The following SGCZ variants were observed in gnomAD, a reference collection of about 807,000 sequenced individuals.
The protein encoded by SGCZ is zeta-sarcoglycan.
A neutral mutation model predicts 41.3 loss-of-function variants in SGCZ; 40 were observed. The ratio of observed to expected loss-of-function variants is 0.97; its 90% CI spans 0.75 to 1.26. The LOEUF (loss-of-function observed/expected upper bound fraction) is 1.26, where lower values mean the gene tolerates loss of function less well. Among genes scored for constraint, SGCZ ranks in the 50% most tolerant of loss-of-function variants. The pLI, the probability that SGCZ is intolerant of heterozygous loss-of-function variation, is 0.00. For synonymous variants in SGCZ, 206 were observed against 137.5 expected, an observed-to-expected ratio of 1.50 and a Z score of -3.49; for missense variants, 552 against 369.8, an observed-to-expected ratio of 1.49 and a Z score of -4.04.
At chr8:14,340,438 C>T (rs549681303) in intron 2 of SGCZ, among the ~76,000 whole-genome samples, 10 of 152,206 alleles carry the variant, frequency 6.6e-5, no homozygotes, top group African/African-American at 1.4e-4. Flanking sequence ...CTTTTATTCA[C>T]GTATTTATTG....
chr8:14,719,399 T>A (rs1264500034), intron 1 of SGCZ, among the ~76,000 whole-genome samples: 10 of 150,512 alleles, frequency 6.6e-5, no homozygotes, highest in Admixed American at 6.6e-4. Context: ...AAATGGTATT[T>A]CTAGTTCTAG....
At chr8:14,422,077 G>A (rs986263630) in intron 2 of SGCZ, among the ~76,000 whole-genome samples, 2 of 151,990 alleles carry the variant, frequency 1.3e-5, no homozygotes, top group African/African-American at 4.8e-5. Context: ...CTAAACAAAT[G>A]CAAAGTCTTA....
At position 14,404,274 on chromosome 8, in the gene SGCZ, A is replaced by T. The variant is rs77759791; in HGVS notation, c.235-80070T>A. Among the ~76,000 whole-genome samples the T allele has an allele frequency of 2.3e-3, 344 of 152,310 alleles. 2 individuals are homozygous for T. Among genetic ancestry groups the T allele is most frequent in the African/African-American group, 8.1e-3 (336 of 41,584 alleles). On this transcript the variant is annotated intron_variant, in intron 2 of 7. Transcript: ENST00000382080. ...AGTGTTCATTTTAAAACTGTGCTAGAAAATCTTTAAGGATTATATTATGCC... is the reference window on the plus strand; with the variant it reads ...AGTGTTCATTTTAAAACTGTGCTAGTAAATCTTTAAGGATTATATTATGCC...
At position 14,477,959 on chromosome 8, in the gene SGCZ, C is replaced by G. The variant is rs186478274; in HGVS notation, c.234+76773G>C. Reference sequence around the variant, plus strand: ...ACTAAAGATTGTTTAAGAAATGATGCAAGGAATGAGTTGAAGACTTTAATT... The same window carrying G: ...ACTAAAGATTGTTTAAGAAATGATGGAAGGAATGAGTTGAAGACTTTAATT... On this transcript the variant is annotated intron_variant, in intron 2 of 7. Coordinates refer to ENST00000382080, the MANE Select transcript of SGCZ (RefSeq NM_139167.4). 5.9e-5 allele frequency among the ~76,000 whole-genome samples: 9 copies of G among 152,208 alleles called. No individual in the cohort carries two copies. The East Asian group carries it at 1.7e-3, about 29-fold the overall frequency.
intron 2 of SGCZ, among the ~76,000 whole-genome samples, chr8:14,446,209 T>TATCC (rs1477241130): frequency 2.6e-5 from 4 of 152,168 alleles, no homozygotes; most frequent in Non-Finnish European, 5.9e-5. Context: ...CAGCCTGCTG[T>TATCC]ATCCCTAAGA....
At chr8:14,883,808 CCTT>C (rs1170006143) in intron 1 of SGCZ, among the ~76,000 whole-genome samples, 36 of 143,996 alleles carry the variant, frequency 2.5e-4, no homozygotes, top group African/African-American at 9.0e-4. Context: ...CCAATAGTAC[CCTT>C]CTTCTATTTT....
chr8:14,653,913 G>C (rs1326234412), intron 1 of SGCZ, among the ~76,000 whole-genome samples: 2 of 152,008 alleles, frequency 1.3e-5, no homozygotes, highest in African/African-American at 4.8e-5. Flanking sequence ...TGTGATAATT[G>C]AACAAGCATT....
chr8:15,120,401 G>C (rs527829305), intron 1 of SGCZ, among the ~76,000 whole-genome samples: 115 of 152,172 alleles, frequency 7.6e-4, no homozygotes, highest in African/African-American at 2.7e-3. Flanking sequence ...ATATAGCTCA[G>C]CTTGGGGCTA....
intron 1 of SGCZ, among the ~76,000 whole-genome samples, chr8:14,950,733 A>C (rs1024803007): frequency 6.6e-6 from 1 of 152,072 alleles, no homozygotes; most frequent in Non-Finnish European, 1.5e-5. Flanking sequence ...TAAAACATAA[A>C]GCAATACATA....
At chr8:14,583,253 T>C (rs1407056208) in intron 1 of SGCZ, among the ~76,000 whole-genome samples, 8 of 151,562 alleles carry the variant, frequency 5.3e-5, no homozygotes, top group Non-Finnish European at 1.2e-4. Flanking sequence ...ATTTCTCTGA[T>C]GGCCAGTGAT....
At chr8:14,374,447 T>A (rs370195867) in intron 2 of SGCZ, among the ~76,000 whole-genome samples, 1 of 152,128 alleles carries the variant, frequency 6.6e-6, no homozygotes, top group Admixed American at 6.5e-5. Context: ...TAGTAAGAAT[T>A]TGATGTAATT....
chr8:14,177,675 A>ATTTTTTTTTTTTTTTT (rs1193141913), intron 4 of SGCZ, among the ~76,000 whole-genome samples: 1 of 111,336 alleles, frequency 9.0e-6, no homozygotes, highest in Non-Finnish European at 1.8e-5. Flanking sequence ...ACGCCCTGCT[A>ATTTTTTTTTTTTTTTT]TTTTTTTTTT....
At chr8:15,078,207 A>G (rs77284109) in intron 1 of SGCZ, among the ~76,000 whole-genome samples, 2 of 127,360 alleles carry the variant, frequency 1.6e-5, no homozygotes, top group Non-Finnish European at 3.1e-5. Flanking sequence ...TCACCTTTCA[A>G]TGTGTTCCTG....
At chr8:14,483,801 G>A (rs1449540746) in intron 2 of SGCZ, among the ~76,000 whole-genome samples, 1 of 152,178 alleles carries the variant, frequency 6.6e-6, no homozygotes, top group South Asian at 2.1e-4. Flanking sequence ...AATATATGCA[G>A]CATAAATGAC....
At chr8:14,960,818 A>T (rs970999668) in intron 1 of SGCZ, among the ~76,000 whole-genome samples, 3 of 152,070 alleles carry the variant, frequency 2.0e-5, no homozygotes, top group African/African-American at 7.2e-5. Flanking sequence ...TTTTTTTTAC[A>T]CACTCCACAG....
intron 1 of SGCZ, among the ~76,000 whole-genome samples, chr8:15,168,491 G>A (rs1799729751): frequency 6.6e-6 from 1 of 152,190 alleles, no homozygotes; most frequent in East Asian, 1.9e-4. Flanking sequence ...TGCTTCATGG[G>A]CGTGAGCTGC....
At chr8:14,697,982 C>T (rs547714689) in intron 1 of SGCZ, among the ~76,000 whole-genome samples, 12 of 152,044 alleles carry the variant, frequency 7.9e-5, no homozygotes, top group African/African-American at 1.7e-4. Flanking sequence ...ATTTGTTGAA[C>T]GTTTAGTCTG....
At chr8:15,234,774 T>C (rs1802070749) in intron 1 of SGCZ, among the ~76,000 whole-genome samples, 1 of 152,068 alleles carries the variant, frequency 6.6e-6, no homozygotes, top group African/African-American at 2.4e-5. Context: ...ATAAAAAAAT[T>C]GTTGTTAAAA....
rs531915789 is a variant in SGCZ, at chr8:14,258,322, G to C, written c.337-20643C>G. ...TAAGGTGGCATATTTCATTTAAAGA[G>C]GGCAATGTATTAGTCCTCTGCACTC... On this transcript the variant is annotated intron_variant, in intron 3 of 7. Transcript: ENST00000382080. Among the ~76,000 whole-genome samples the C allele has an allele frequency of 2.6e-5, 4 of 152,166 alleles. No individual in the cohort carries two copies. In the East Asian group the frequency reaches 5.8e-4, roughly 22 times the overall value.
Sources: gnomAD v4.1 joint callset for allele counts (sites outside exome capture counted in the v4.1 genomes callset) on GRCh38, gnomAD v4.1.1 for gene constraint, MANE v1.5 for transcripts, NCBI Gene and HGNC (gene_info 2026-07-23, HGNC 2026-07-21) for gene names.